Variants in MDGA2 observed in about 807,000 individuals in gnomAD.
MDGA2 encodes MAM domain containing glycosylphosphatidylinositol anchor 2, also known as MAM domain-containing glycosylphosphatidylinositol anchor protein 2.
MDGA2 carries 40 observed loss-of-function variants against 117.8 expected under a neutral mutation model. The ratio of observed to expected loss-of-function variants is 0.34; its 90% CI spans 0.26 to 0.44. The LOEUF is 0.44. MDGA2 is among the 20% of genes least tolerant of loss of function. The probability of loss-of-function intolerance (pLI) is 1.00; values close to 1 mark genes in which losing one functional copy is unlikely to be tolerated. For missense variants in MDGA2, 1,123 were observed against 1,250.6 expected (o/e 0.90, Z 1.54); for synonymous variants, 452 against 439.0 (o/e 1.03, Z -0.37).
At chr14:47,129,597 GT>G (rs1339744661) in intron 5 of MDGA2, among the ~76,000 whole-genome samples, 5 of 149,322 alleles carry the variant, frequency 3.3e-5, no homozygotes, top group African/African-American at 1.2e-4. Flanking sequence ...AGTCCTTTGG[GT>G]ATATACCCAG....
In MDGA2 at chr14:47,647,899, A is replaced by T. The variant is rs138701706; in HGVS notation, c.280+26618T>A. Among the ~76,000 whole-genome samples the T allele has an allele frequency of 8.3e-3, 1,265 of 152,246 alleles. 7 individuals are homozygous for T. The highest frequency in any genetic ancestry group is 9.9e-3 in the Non-Finnish European group (673 of 67,958). The stretch of plus-strand genomic sequence containing the variant: ...TTTGAAAAGACAAACATTTAAGGTG[A>T]CGGCTATCCCAAATACACTGATTTG... On this transcript the variant is annotated intron_variant, in intron 1 of 16. Coordinates refer to ENST00000399232, the MANE Select transcript of MDGA2 (RefSeq NM_001113498.3).
At chr14:47,670,867 T>C (rs1396723789) in intron 1 of MDGA2, among the ~76,000 whole-genome samples, 2 of 152,044 alleles carry the variant, frequency 1.3e-5, no homozygotes, top group African/African-American at 4.8e-5. Context: ...TAAGCAAAAA[T>C]CTATAGCTTA....
chr14:47,576,595 T>C (rs1896119686), intron 1 of MDGA2, among the ~76,000 whole-genome samples: 1 of 152,158 alleles, frequency 6.6e-6, no homozygotes, highest in Non-Finnish European at 1.5e-5. Context: ...AAGGGAGCCT[T>C]GCAAAAATAT....
At chr14:47,456,007 GTAAAATAAAA>G (rs897341912) in intron 1 of MDGA2, among the ~76,000 whole-genome samples, 1 of 150,630 alleles carries the variant, frequency 6.6e-6, no homozygotes, top group African/African-American at 2.4e-5. Flanking sequence ...AAAAAATAAA[GTAAAATAAAA>G]TAAAATAAAA....
intron 1 of MDGA2, among the ~76,000 whole-genome samples, chr14:47,639,215 T>C (rs1440029690): frequency 6.6e-6 from 1 of 152,196 alleles, no homozygotes; most frequent in African/African-American, 2.4e-5. Context: ...ATAAATTTGT[T>C]GTCTATTTTA....
chr14:47,147,994 C>A (rs1224483686), intron 3 of MDGA2, among the ~76,000 whole-genome samples: 1 of 152,080 alleles, frequency 6.6e-6, no homozygotes, highest in African/African-American at 2.4e-5. Flanking sequence ...CAAAATTGAA[C>A]AAGAGAATAC....
At chr14:46,878,228 T>C (rs2138378771) in intron 11 of MDGA2, among the ~76,000 whole-genome samples, 1 of 152,102 alleles carries the variant, frequency 6.6e-6, no homozygotes, top group African/African-American at 2.4e-5. Context: ...ATACTTTAAA[T>C]ATTACTAACA....
intron 10 of MDGA2, among the ~76,000 whole-genome samples, chr14:46,886,406 T>C (rs1882679237): frequency 6.6e-6 from 1 of 152,114 alleles, no homozygotes; most frequent in African/African-American, 2.4e-5. Flanking sequence ...AGTAGATATG[T>C]TATAAAATTT....
chr14:47,039,365 A>C (rs1029613320), intron 7 of MDGA2, among the ~76,000 whole-genome samples: 4 of 152,160 alleles, frequency 2.6e-5, no homozygotes, highest in Non-Finnish European at 5.9e-5. Context: ...CTTGTCCACC[A>C]CTTCAAAACA....
At chr14:47,499,391 C>G (rs1234081430) in intron 1 of MDGA2, among the ~76,000 whole-genome samples, 1 of 152,034 alleles carries the variant, frequency 6.6e-6, no homozygotes, top group Non-Finnish European at 1.5e-5. Flanking sequence ...GTTTATATGT[C>G]TATGCAAATA....
chr14:47,302,036 A>G (rs967751713), intron 1 of MDGA2, among the ~76,000 whole-genome samples: 2 of 152,192 alleles, frequency 1.3e-5, no homozygotes, highest in Admixed American at 1.3e-4. Context: ...TTTGGTTTTC[A>G]GGAAGTGAAA....
intron 1 of MDGA2, among the ~76,000 whole-genome samples, chr14:47,653,230 G>C (rs991759242): frequency 6.6e-6 from 1 of 152,036 alleles, no homozygotes; most frequent in Non-Finnish European, 1.5e-5. Context: ...CAAGACAATA[G>C]CAATGATTTT....
intron 1 of MDGA2, among the ~76,000 whole-genome samples, chr14:47,619,275 T>G (rs890274252): frequency 1.3e-5 from 2 of 152,180 alleles, no homozygotes; most frequent in Non-Finnish European, 2.9e-5. Context: ...TGCCCAATAA[T>G]AATATTCCAA....
intron 1 of MDGA2, among the ~76,000 whole-genome samples, chr14:47,549,231 C>T (rs915150452): frequency 6.6e-6 from 1 of 152,160 alleles, no homozygotes; most frequent in Non-Finnish European, 1.5e-5. Flanking sequence ...AAGTTCTTTG[C>T]TCTTTTTGAA....
chr14:47,413,028 C>G (rs1449461501), intron 1 of MDGA2, among the ~76,000 whole-genome samples: 3 of 152,140 alleles, frequency 2.0e-5, no homozygotes, highest in Non-Finnish European at 2.9e-5. Flanking sequence ...CATTTTTGCT[C>G]TAGTCTAGAA....
intron 2 of MDGA2, among the ~76,000 whole-genome samples, chr14:47,259,925 A>G (rs532194865): frequency 6.6e-6 from 1 of 152,222 alleles, no homozygotes; most frequent in Non-Finnish European, 1.5e-5. Flanking sequence ...TGACAAGACG[A>G]TCTAACATCT....
chr14:47,341,314 C>T (rs1297148574), intron 1 of MDGA2, among the ~76,000 whole-genome samples: 1 of 152,098 alleles, frequency 6.6e-6, no homozygotes, highest in Non-Finnish European at 1.5e-5. Context: ...TCTGGGCTTC[C>T]TGATGCAATG....
intron 1 of MDGA2, among the ~76,000 whole-genome samples, chr14:47,646,456 AG>A (rs1225699180): frequency 6.6e-6 from 1 of 152,174 alleles, no homozygotes; most frequent in Non-Finnish European, 1.5e-5. Context: ...ATAGTGGAAA[AG>A]TGATTGAAAA....
chr14:47,317,883 T>C (rs574130555), intron 1 of MDGA2, among the ~76,000 whole-genome samples: 1 of 152,268 alleles, frequency 6.6e-6, no homozygotes, highest in South Asian at 2.1e-4. Context: ...TTTCTCTTGA[T>C]GTCTTAAATA....
Sources: allele counts gnomAD v4.1 joint callset (sites outside exome capture counted in the v4.1 genomes callset), GRCh38; gene constraint gnomAD v4.1.1; transcripts MANE v1.5; gene names NCBI Gene and HGNC (gene_info 2026-07-23, HGNC 2026-07-21).